TNIK: variants seen among roughly 807,000 people sequenced by gnomAD.
The protein encoded by TNIK is TRAF2 and NCK interacting kinase, also known as TRAF2 and NCK-interacting protein kinase.
TNIK carries 49 observed loss-of-function variants against 191.3 expected under a neutral mutation model. The ratio of observed to expected loss-of-function variants is 0.26; its 90% CI spans 0.20 to 0.32. The LOEUF is 0.32. Among genes scored for constraint, TNIK ranks in the 10% least tolerant of loss-of-function variants. TNIK has a pLI of 1.00. For synonymous variants in TNIK, 594 were observed against 600.9 expected (o/e 0.99, Z 0.17); for missense variants, 1,155 against 1,702.3 (o/e 0.68, Z 5.66).
intron 2 of TNIK, among the ~76,000 whole-genome samples, chr3:171,288,433 T>A (rs760071547): frequency 6.6e-6 from 1 of 151,986 alleles, no homozygotes; most frequent in Non-Finnish European, 1.5e-5. Flanking sequence ...AAGGAATACA[T>A]TGGTGTTGTA....
intron 2 of TNIK, among the ~76,000 whole-genome samples, chr3:171,352,535 A>G (rs779866493): frequency 3.3e-5 from 5 of 152,206 alleles, no homozygotes; most frequent in African/African-American, 9.7e-5. Context: ...TCTCCAACTC[A>G]GTGTATTTGG....
At chr3:171,409,665 AC>A (rs1427527544) in intron 1 of TNIK, among the ~76,000 whole-genome samples, 1 of 151,006 alleles carries the variant, frequency 6.6e-6, no homozygotes, top group Non-Finnish European at 1.5e-5. Flanking sequence ...TTGGGCAGAA[AC>A]AAAGCCTGGA....
At chr3:171,123,794 G>T in intron 17 of TNIK, 92 bp from the exon 18 acceptor site, 2 of 928,904 alleles carry the variant, frequency 2.2e-6, no homozygotes, top group Non-Finnish European at 1.6e-6. Context: ...TTTGCCAGAA[G>T]CCACAGAAAC....
chr3:171,257,111 G>T (rs1031868030), intron 2 of TNIK, among the ~76,000 whole-genome samples: 3 of 152,166 alleles, frequency 2.0e-5, no homozygotes, highest in African/African-American at 7.2e-5. Flanking sequence ...GAAGGAGGCA[G>T]CCCTGGGCCC....
At chr3:171,399,649 TTA>T (rs1467686529) in intron 1 of TNIK, among the ~76,000 whole-genome samples, 2 of 152,098 alleles carry the variant, frequency 1.3e-5, no homozygotes, top group African/African-American at 4.8e-5. Flanking sequence ...GCAATAAATA[TTA>T]TTACCAAAAA....
chr3:171,143,289 C>T lies in TNIK; in HGVS notation c.1222-2780G>A, dbSNP rs563535141. Among the ~76,000 whole-genome samples the T allele has an allele frequency of 7.9e-5, 12 of 152,272 alleles. No homozygotes were observed. In the South Asian group the frequency reaches 2.3e-3, roughly 29 times the overall value. ...CTTGAAAAAATATTTGCTTTCTCTC[C>T]TCCTGTGCATGGAGCCGTATGAGGG... On this transcript the variant is annotated intron_variant, in intron 12 of 32. Transcript: ENST00000436636.
chr3:171,171,075 CTGTTGAACT>C (rs1251434994), intron 9 of TNIK, among the ~76,000 whole-genome samples: 1 of 152,102 alleles, frequency 6.6e-6, no homozygotes, highest in East Asian at 1.9e-4. Flanking sequence ...ATCCTCATTT[CTGTTGAACT>C]AAGTAAACAT....
intron 1 of TNIK, among the ~76,000 whole-genome samples, chr3:171,390,844 G>C (rs1391773197): frequency 6.6e-6 from 1 of 152,170 alleles, no homozygotes; most frequent in Non-Finnish European, 1.5e-5. Flanking sequence ...CTGTGCCCAT[G>C]GATGTTGTGA....
intron 4 of TNIK, among the ~76,000 whole-genome samples, chr3:171,209,529 T>G (rs1379881541): frequency 6.6e-6 from 1 of 152,194 alleles, no homozygotes; most frequent in Non-Finnish European, 1.5e-5. Flanking sequence ...TTATGGTGTA[T>G]CCCTTTGTTG....
At chr3:171,134,565 G>C (rs930937774) in intron 15 of TNIK, among the ~76,000 whole-genome samples, 1 of 152,170 alleles carries the variant, frequency 6.6e-6, no homozygotes, top group Non-Finnish European at 1.5e-5. Flanking sequence ...GATTATAGAC[G>C]TGAGCCACCG....
At chr3:171,256,734 T>A (rs987575432) in intron 2 of TNIK, among the ~76,000 whole-genome samples, 1 of 152,142 alleles carries the variant, frequency 6.6e-6, no homozygotes, top group African/African-American at 2.4e-5. Context: ...ATTCTGACCA[T>A]CCCCATTCTG....
chr3:171,242,628 T>C (rs1378258736), intron 2 of TNIK, among the ~76,000 whole-genome samples: 4 of 152,274 alleles, frequency 2.6e-5, no homozygotes, highest in Non-Finnish European at 5.9e-5. Context: ...TTGGCGCTCA[T>C]ATAAGCAAAA....
intron 3 of TNIK, among the ~76,000 whole-genome samples, chr3:171,220,229 A>G (rs1299816640): frequency 6.6e-6 from 1 of 152,010 alleles, no homozygotes; most frequent in Non-Finnish European, 1.5e-5. Context: ...ATATCACACA[A>G]TGGGGCCTGT....
chr3:171,077,470 C>A (rs774593399), intron 28 of TNIK, among the ~76,000 whole-genome samples: 2 of 152,108 alleles, frequency 1.3e-5, no homozygotes, highest in African/African-American at 2.4e-5. Context: ...TGTGGGTGGG[C>A]CTTATGCAAT....
chr3:171,380,027 GCGCACA>G lies in TNIK; in HGVS notation c.58-10348_58-10343del, dbSNP rs1459031028. On this transcript the variant is annotated intron_variant, in intron 1 of 32. Transcript: ENST00000436636. ...TTGGTCAAAACACACACACACACACGCGCACACACACACACACACACACACACACAC... is the reference window on the plus strand; with the variant it reads ...TTGGTCAAAACACACACACACACACGCACACACACACACACACACACACAC... Among the ~76,000 whole-genome samples the G allele has an allele frequency of 8.3e-3, 1,221 of 147,238 alleles. 10 individuals are homozygous for G. The highest frequency in any genetic ancestry group is 0.018 in the African/African-American group (699 of 38,640).
chr3:171,455,507 C>A (rs1728691799), intron 1 of TNIK, among the ~76,000 whole-genome samples: 1 of 151,680 alleles, frequency 6.6e-6, no homozygotes, highest in African/African-American at 2.4e-5. Flanking sequence ...TCCCGAAGTG[C>A]TGGGATTACA....
chr3:171,315,079 A>T (rs911259690), intron 2 of TNIK, among the ~76,000 whole-genome samples: 1 of 152,152 alleles, frequency 6.6e-6, no homozygotes, highest in Non-Finnish European at 1.5e-5. Flanking sequence ...TTTCAACCAG[A>T]GGGAAAAACA....
At chr3:171,144,652 C>G (rs7373844) in intron 12 of TNIK, among the ~76,000 whole-genome samples, 10,612 of 152,222 alleles carry the variant, frequency 0.07, 400 homozygotes, top group Middle Eastern at 0.13. Context: ...CCTTTTATAG[C>G]TATTTTGAAA....
At chr3:171,307,117 C>T (rs1480518532) in intron 2 of TNIK, among the ~76,000 whole-genome samples, 1 of 152,114 alleles carries the variant, frequency 6.6e-6, no homozygotes, top group African/African-American at 2.4e-5. Context: ...CCAAATCGTC[C>T]TTCACATACG....
Sources: gnomAD v4.1 joint callset for allele counts (sites outside exome capture counted in the v4.1 genomes callset) on GRCh38, gnomAD v4.1.1 for gene constraint, MANE v1.5 for transcripts, NCBI Gene and HGNC (gene_info 2026-07-23, HGNC 2026-07-21) for gene names.